The following ESRP1 variants were observed in gnomAD, a reference collection of about 807,000 sequenced individuals.
ESRP1 encodes the protein epithelial splicing regulatory protein 1.
A neutral mutation model predicts 81.7 loss-of-function variants in ESRP1; 33 were observed. The observed-to-expected ratio is 0.40, with a 90% CI of 0.31 to 0.54. ESRP1 has a LOEUF of 0.54. ESRP1 is among the 20% of genes least tolerant of loss of function. ESRP1 has a pLI of 0.41. For missense variants in ESRP1, 672 were observed against 833.1 expected (o/e 0.81, Z 2.38); for synonymous variants, 320 against 303.3 (o/e 1.06, Z -0.57).
intron 15 of ESRP1, among the ~76,000 whole-genome samples, chr8:94,700,937 A>G (rs1586268236): frequency 2.4e-5 from 3 of 125,838 alleles, no homozygotes. Context: ...TCAAAAAAAA[A>G]TGTGTGTGTG....
chr8:94,701,146 G>A (rs146825737), intron 15 of ESRP1, among the ~76,000 whole-genome samples: 21 of 151,776 alleles, frequency 1.4e-4, no homozygotes, highest in African/African-American at 4.8e-4. Context: ...GTGGTGGTGT[G>A]TGCCTATAAT....
At chr8:94,675,629 A>T (rs1819551372) in intron 12 of ESRP1, among the ~76,000 whole-genome samples, 3 of 152,210 alleles carry the variant, frequency 2.0e-5, no homozygotes, top group Non-Finnish European at 4.4e-5. Context: ...TTCAGTATAT[A>T]AACCACTGGT....
intron 4 of ESRP1, among the ~76,000 whole-genome samples, chr8:94,652,805 T>C (rs1030245974): frequency 6.6e-6 from 1 of 152,222 alleles, no homozygotes; most frequent in Non-Finnish European, 1.5e-5. Context: ...TTACTACATA[T>C]GCCATGAACG....
chr8:94,700,410 G>T (rs940736993), intron 15 of ESRP1, among the ~76,000 whole-genome samples: 1 of 152,202 alleles, frequency 6.6e-6, no homozygotes, highest in African/African-American at 2.4e-5. Flanking sequence ...GACGAGGGAG[G>T]CAGAGATGAG....
Position 94,664,808 on chromosome 8 carries a change from G to A in ESRP1, c.755+1G>A. The A allele has an allele frequency of 6.2e-7, 1 of 1,613,426 alleles. No homozygotes were observed. The highest frequency in any genetic ancestry group is 8.5e-7 in the Non-Finnish European group (1 of 1,179,564). ...TCTTCAAAGGACTCAATATTGCCAAGTTGGTTTTCTTAAATATCTATTTTA... is the reference window on the plus strand; with the variant it reads ...TCTTCAAAGGACTCAATATTGCCAAATTGGTTTTCTTAAATATCTATTTTA... On this transcript the variant is annotated splice_donor_variant, in intron 7 of 15. Coordinates refer to ENST00000433389, the MANE Select transcript of ESRP1 (RefSeq NM_017697.4). LOFTEE classifies it high-confidence loss of function.
chr8:94,641,839 T>A, intron 1 of ESRP1, 117 bp from the exon 2 acceptor site: 1 of 1,479,262 alleles, frequency 6.8e-7, no homozygotes, highest in Non-Finnish European at 9.0e-7. Flanking sequence ...GAGCTTTGAT[T>A]CTGCGTCCGG....
intron 15 of ESRP1, among the ~76,000 whole-genome samples, chr8:94,705,295 A>G (rs1404902169): frequency 2.7e-5 from 4 of 149,788 alleles, no homozygotes; most frequent in Admixed American, 6.8e-5. Flanking sequence ...AGCCTCCCAC[A>G]TAGCTGGGAA....
intron 4 of ESRP1, among the ~76,000 whole-genome samples, chr8:94,649,814 C>T (rs1457584230): frequency 1.3e-5 from 2 of 152,078 alleles, no homozygotes; most frequent in Non-Finnish European, 2.9e-5. Flanking sequence ...CACCCGACCC[C>T]AACTTTATTT....
intron 13 of ESRP1, among the ~76,000 whole-genome samples, chr8:94,679,356 A>G (rs1808775734): frequency 6.6e-6 from 1 of 152,322 alleles, no homozygotes; most frequent in South Asian, 2.1e-4. Flanking sequence ...ATGATGGAAT[A>G]CTGTGCCAGA....
At chr8:94,643,777 AG>A (rs1308007089) in intron 3 of ESRP1, among the ~76,000 whole-genome samples, 1 of 150,596 alleles carries the variant, frequency 6.6e-6, no homozygotes, top group East Asian at 1.9e-4. Flanking sequence ...GCTAATACAG[AG>A]TGTGAATTTT....
chr8:94,698,284 G>T (rs1809685660), intron 15 of ESRP1, among the ~76,000 whole-genome samples: 1 of 152,084 alleles, frequency 6.6e-6, no homozygotes, highest in African/African-American at 2.4e-5. Flanking sequence ...CCAGCCTATG[G>T]TAACTACCAT....
At position 94,641,335 on chromosome 8, in the gene ESRP1, A is replaced by G; in HGVS notation, c.17A>G (p.Asp6Gly). 6.3e-7 allele frequency: 1 copy of G among 1,584,134 alleles called. No homozygotes were observed. The highest frequency in any genetic ancestry group is 8.6e-7 in the Non-Finnish European group (1 of 1,160,316). The change falls in exon 1 of 16, where the codon GAT (aspartate) becomes GGT (glycine). Residue 6 changes from aspartate to glycine, a missense_variant. Asp to Gly is a moderately conservative substitution (Grantham distance 94). Transcript: ENST00000433389. MTASP[D>G]YLVVLFGITA... ...CCTATCGTCATGACGGCCTCTCCGG[A>G]TTACTTGGTGGTGCTTTTTGGGATC...
intron 4 of ESRP1, chr8:94,649,762 C>A (rs7388047): frequency 0.77 from 116,473 of 152,106 alleles, 46,121 homozygotes; most frequent in Middle Eastern, 0.87. Flanking sequence ...ATCCACCCAT[C>A]TCGGCCTCCC....
intron 13 of ESRP1, among the ~76,000 whole-genome samples, chr8:94,684,354 C>T (rs1205279864): frequency 1.3e-5 from 2 of 152,120 alleles, no homozygotes; most frequent in South Asian, 2.1e-4. Flanking sequence ...AACAGAAATC[C>T]AGCGTCCAGA....
At chr8:94,678,474 T>A in intron 13 of ESRP1, 103 bp downstream of exon 13, 2 of 1,364,058 alleles carry the variant, frequency 1.5e-6, no homozygotes, top group Non-Finnish European at 2.0e-6. Flanking sequence ...TGTTGAAGGT[T>A]AGCGTGGCAG....
At position 94,705,902 on chromosome 8, in the gene ESRP1, A is replaced by G. The variant is rs753172528; in HGVS notation, c.*36-23A>G. 1,675 of 1,207,588 alleles carry G rather than the reference A, an allele frequency of 1.4e-3. 18 individuals carry two copies. In the African/African-American group the frequency reaches 0.038, roughly 27 times the overall value. 74.8% of individuals were successfully genotyped at this position (1,207,588 alleles called of 1,614,324 possible). A position where few individuals can be genotyped will look rare whatever the true frequency, so the allele number is the denominator to read the frequency against. On this transcript the variant is annotated intron_variant, in intron 15 of 15. Coordinates refer to ENST00000433389, the MANE Select transcript of ESRP1 (RefSeq NM_017697.4). ...GAGACTATAACATTTCCTTTTATTC[A>G]CTTTTTTTTTTTTTTTTTTCAGTGT...
chr8:94,653,529 G>A (rs867084388), intron 4 of ESRP1, among the ~76,000 whole-genome samples: 11 of 152,142 alleles, frequency 7.2e-5, no homozygotes, highest in Non-Finnish European at 5.9e-5. Flanking sequence ...CAGGAAAAAC[G>A]GCTGGCAAGG....
intron 4 of ESRP1, among the ~76,000 whole-genome samples, chr8:94,654,233 G>A (rs989766623): frequency 5.9e-5 from 9 of 152,110 alleles, no homozygotes; most frequent in African/African-American, 1.7e-4. Context: ...CATGAGAATC[G>A]CTTGAACCTG....
At chr8:94,673,587 C>T (rs1819440225) in intron 11 of ESRP1, among the ~76,000 whole-genome samples, 1 of 152,222 alleles carries the variant, frequency 6.6e-6, no homozygotes, top group African/African-American at 2.4e-5. Context: ...CTCTGTGGAA[C>T]ACAAATCTAC....
Sources: gnomAD v4.1 joint callset for allele counts (sites outside exome capture counted in the v4.1 genomes callset) on GRCh38, gnomAD v4.1.1 for gene constraint, MANE v1.5 for transcripts, NCBI Gene and HGNC (gene_info 2026-07-23, HGNC 2026-07-21) for gene names.